XKR6: variants seen among roughly 807,000 people sequenced by gnomAD.
The protein encoded by XKR6 is XK-related protein 6.
A neutral mutation model predicts 56.7 loss-of-function variants in XKR6; 22 were observed. That is an observed-to-expected ratio of 0.39 (90% CI 0.28 to 0.55). The LOEUF (loss-of-function observed/expected upper bound fraction) is 0.55, where lower values mean the gene tolerates loss of function less well. Among genes scored for constraint, XKR6 ranks in the 20% least tolerant of loss-of-function variants. The probability of loss-of-function intolerance (pLI) is 0.66; values close to 1 mark genes in which losing one functional copy is unlikely to be tolerated. For missense variants in XKR6, 852 were observed against 889.0 expected, an observed-to-expected ratio of 0.96 and a Z score of 0.53; for synonymous variants, 524 against 387.8, an observed-to-expected ratio of 1.35 and a Z score of -4.13.
At chr8:11,062,597 C>G (rs1039120137) in intron 1 of XKR6, 8 of 371,868 alleles carry the variant, frequency 2.2e-5, no homozygotes, top group African/African-American at 1.1e-4. Flanking sequence ...CAAGGGAGAG[C>G]TTCTAGTTAA....
chr8:11,201,044 G>C lies in XKR6; in HGVS notation c.296C>G (p.Ala99Gly). The part of the protein sequence containing the change: ...DGGDQPLQPP[A>G]APGAGRQPPT... ...GGGTTGGCGGCCGGCGCCGGGGGCC[G>C]CGGGAGGCTGCAGCGGCTGGTCCCC... is the stretch of plus-strand genomic sequence containing the variant. The change falls in exon 1 of 3, where the codon GCG (alanine) becomes GGG (glycine). Residue 99 changes from alanine (A) to glycine (G), a missense_variant. Coordinates refer to ENST00000416569, the MANE Select transcript of XKR6 (RefSeq NM_173683.4). 8.3e-7 allele frequency: 1 copy of C among 1,207,858 alleles called. No homozygotes were observed. The highest frequency in any genetic ancestry group is 1.0e-6 in the Non-Finnish European group (1 of 976,582). 74.8% of individuals were successfully genotyped at this position (1,207,858 alleles called of 1,614,324 possible).
intron 1 of XKR6, among the ~76,000 whole-genome samples, chr8:11,131,511 T>C (rs1800102609): frequency 6.6e-6 from 1 of 152,192 alleles, no homozygotes; most frequent in Admixed American, 6.5e-5. Context: ...TTAAAAAATA[T>C]TTCTGTATGG....
intron 1 of XKR6, among the ~76,000 whole-genome samples, chr8:11,130,774 G>A (rs1800067403): frequency 6.6e-6 from 1 of 152,016 alleles, no homozygotes; most frequent in Admixed American, 6.6e-5. Flanking sequence ...CACACAGGGG[G>A]CCTTTGTAAA....
chr8:10,940,628 A>T (rs1020159865), intron 1 of XKR6, among the ~76,000 whole-genome samples: 7 of 152,152 alleles, frequency 4.6e-5, no homozygotes, highest in African/African-American at 7.2e-5. Flanking sequence ...CACGCAACAC[A>T]GGTCCCACCC....
intron 1 of XKR6, among the ~76,000 whole-genome samples, chr8:10,987,804 T>C (rs999131177): frequency 3.9e-5 from 6 of 152,216 alleles, no homozygotes; most frequent in Non-Finnish European, 7.3e-5. Context: ...ATCTCTAGTC[T>C]TTCCCAAATG....
intron 1 of XKR6, chr8:11,066,820 A>G (rs983395647): frequency 6.6e-6 from 1 of 152,134 alleles, no homozygotes. Flanking sequence ...CCCACCTGCA[A>G]CAGGCTGGGG....
intron 1 of XKR6, among the ~76,000 whole-genome samples, chr8:11,017,433 G>C (rs1350178489): frequency 2.0e-5 from 3 of 152,262 alleles, no homozygotes; most frequent in African/African-American, 7.2e-5. Flanking sequence ...CGGCAGCTTA[G>C]CCTGGAAACT....
chr8:11,003,899 G>T (rs1467253352), intron 1 of XKR6, among the ~76,000 whole-genome samples: 4 of 152,226 alleles, frequency 2.6e-5, no homozygotes, highest in Non-Finnish European at 5.9e-5. Context: ...CGTCCAGAGG[G>T]CTTTCAAGTT....
At chr8:11,126,703 T>A (rs1799816530) in intron 1 of XKR6, among the ~76,000 whole-genome samples, 1 of 152,284 alleles carries the variant, frequency 6.6e-6, no homozygotes, top group Non-Finnish European at 1.5e-5. Context: ...AACAGAGCCA[T>A]CTCTGGAGTC....
chr8:10,970,407 G>A (rs1367493926), intron 1 of XKR6, among the ~76,000 whole-genome samples: 1 of 152,256 alleles, frequency 6.6e-6, no homozygotes, highest in East Asian at 1.9e-4. Flanking sequence ...CCTAACATAT[G>A]ATACTGTGAA....
chr8:11,190,059 A>C (rs921727883), intron 1 of XKR6, among the ~76,000 whole-genome samples: 4 of 152,152 alleles, frequency 2.6e-5, no homozygotes, highest in African/African-American at 9.7e-5. Flanking sequence ...TGGGAGGCTG[A>C]GGCAGAAGAA....
At chr8:11,156,216 C>T (rs552538004) in intron 1 of XKR6, among the ~76,000 whole-genome samples, 41 of 152,324 alleles carry the variant, frequency 2.7e-4, no homozygotes, top group African/African-American at 9.6e-4. Flanking sequence ...GTGCATCATG[C>T]TTCTTTGCAT....
In XKR6 at chr8:10,991,628, G is replaced by C. The variant is rs145199500; in HGVS notation, c.765-66798C>G. 2.3e-4 allele frequency among the ~76,000 whole-genome samples: 35 copies of C among 152,248 alleles called. 1 individual carries two copies. Among genetic ancestry groups the C allele is most frequent in the South Asian group, 6.2e-4 (3 of 4,824 alleles). ...AATCTTCCAGGCGAAGTGTAACCCA[G>C]GTTTAAGCAGGGTTTTCTGTGGACT... On this transcript the variant is annotated intron_variant, in intron 1 of 2. Coordinates refer to ENST00000416569, the MANE Select transcript of XKR6 (RefSeq NM_173683.4).
At chr8:10,994,746 TA>T (rs1374670072) in intron 1 of XKR6, among the ~76,000 whole-genome samples, 3 of 152,252 alleles carry the variant, frequency 2.0e-5, no homozygotes, top group East Asian at 3.9e-4. Flanking sequence ...ATGAGGAAAC[TA>T]ACTCGGGACT....
At chr8:11,189,578 C>A (rs1803442605) in intron 1 of XKR6, among the ~76,000 whole-genome samples, 1 of 152,252 alleles carries the variant, frequency 6.6e-6, no homozygotes. Context: ...ATCTAAGATG[C>A]CTAGTGATAA....
chr8:11,100,034 G>A (rs960500435), intron 1 of XKR6, among the ~76,000 whole-genome samples: 8 of 152,130 alleles, frequency 5.3e-5, no homozygotes, highest in African/African-American at 1.9e-4. Context: ...AGTTTAAGTA[G>A]GGCTCATTTT....
intron 1 of XKR6, among the ~76,000 whole-genome samples, chr8:11,141,353 A>G (rs1037378544): frequency 1.3e-5 from 2 of 152,134 alleles, no homozygotes; most frequent in Non-Finnish European, 2.9e-5. Context: ...CTTGGGAACT[A>G]ATTAGGTTTA....
intron 1 of XKR6, among the ~76,000 whole-genome samples, chr8:11,075,874 C>T (rs6993381): frequency 0.02 from 3,001 of 152,082 alleles, 53 homozygotes; most frequent in African/African-American, 0.054. Context: ...CTCTGTCCCC[C>T]CGACCCAAAA....
At chr8:10,974,857 G>A (rs1012405079) in intron 1 of XKR6, among the ~76,000 whole-genome samples, 5 of 152,162 alleles carry the variant, frequency 3.3e-5, no homozygotes, top group African/African-American at 4.8e-5. Flanking sequence ...GATTTCAGCC[G>A]GGGAAGGTGA....
Sources: gnomAD v4.1 joint callset for allele counts (sites outside exome capture counted in the v4.1 genomes callset) on GRCh38, gnomAD v4.1.1 for gene constraint, MANE v1.5 for transcripts, NCBI Gene and HGNC (gene_info 2026-07-23, HGNC 2026-07-21) for gene names.